The following PTPRQ variants were observed in gnomAD, a reference collection of about 807,000 sequenced individuals.
The protein encoded by PTPRQ is protein tyrosine phosphatase receptor type Q.
In PTPRQ, 199 loss-of-function variants were observed where a neutral mutation model predicts 246.0. The observed-to-expected ratio is 0.81, with a 90% confidence interval of 0.72 to 0.91. The LOEUF is 0.91. PTPRQ is among the 40% of genes least tolerant of loss of function. The pLI is 0.00. For synonymous variants in PTPRQ, 869 were observed against 853.2 expected (o/e 1.02, Z -0.32); for missense variants, 2,624 against 2,528.4 (o/e 1.04, Z -0.81).
chr12:80,508,884 C>T (rs1895044218), intron 16 of PTPRQ, among the ~76,000 whole-genome samples: 1 of 151,956 alleles, frequency 6.6e-6, no homozygotes, highest in Non-Finnish European at 1.5e-5. Flanking sequence ...TCCACATAAG[C>T]ATCTTAAAGC....
chr12:80,678,854 C>A, intron 44 of PTPRQ, 129 bp downstream of exon 44: 1 of 1,426,878 alleles, frequency 7.0e-7, no homozygotes, highest in Non-Finnish European at 9.2e-7. Context: ...GGTTTTTTTT[C>A]TTTAACTTTT....
chr12:80,629,214 C>T (rs1030078502), intron 33 of PTPRQ, among the ~76,000 whole-genome samples: 1 of 151,990 alleles, frequency 6.6e-6, no homozygotes, highest in South Asian at 2.1e-4. Flanking sequence ...AGAACAAGCT[C>T]TCTGTGTCTC....
rs2121109699 is a variant in PTPRQ at position 80,613,586 on chromosome 12, T to C, written c.4919-6T>C. On this transcript the variant is annotated splice_region_variant and splice_polypyrimidine_tract_variant and intron_variant, in intron 28 of 44. Transcript: ENST00000644991. ...TAAAAATTAATTGTTAAATATTTTATTTTAGCCCCAAAGGACCCACCTAAC... is the reference window on the plus strand; with the variant it reads ...TAAAAATTAATTGTTAAATATTTTACTTTAGCCCCAAAGGACCCACCTAAC... 6.6e-7 allele frequency: 1 copy of C among 1,505,648 alleles called. No homozygotes were observed. Among genetic ancestry groups the C allele is most frequent in the Admixed American group, 2.4e-5 (1 of 42,398 alleles). 93.3% of individuals were successfully genotyped at this position (1,505,648 alleles called of 1,614,324 possible).
At chr12:80,645,398 T>C (rs1327469678) in intron 35 of PTPRQ, among the ~76,000 whole-genome samples, 1 of 152,072 alleles carries the variant, frequency 6.6e-6, no homozygotes, top group African/African-American at 2.4e-5. Flanking sequence ...AGTGTGAAAA[T>C]GTATTCAATT....
At chr12:80,591,275 G>A (rs1481842206) in intron 26 of PTPRQ, among the ~76,000 whole-genome samples, 4 of 151,610 alleles carry the variant, frequency 2.6e-5, no homozygotes, top group East Asian at 1.9e-4. Context: ...ACAGGCACAC[G>A]CCACTGTGAC....
intron 25 of PTPRQ, among the ~76,000 whole-genome samples, chr12:80,558,115 CTTTCTTTCT>C (rs1326547187): frequency 5.2e-5 from 6 of 116,376 alleles, no homozygotes; most frequent in East Asian, 6.1e-4. Flanking sequence ...TCTTTCTTTT[CTTTCTTTCT>C]TTTCTTTTCT....
chr12:80,444,268 T>A lies in PTPRQ; in HGVS notation c.-78T>A, dbSNP rs1339372496. 3 of 753,212 alleles carry A rather than the reference T, an allele frequency of 4.0e-6. No homozygotes were observed. The highest frequency in any genetic ancestry group is 6.9e-6 in the Non-Finnish European group (3 of 433,324). 46.7% of individuals were successfully genotyped at this position (753,212 alleles called of 1,614,324 possible). ...ATTGTGTACTTGCCAGAAGGATCTG[T>A]CTTTAAATCATTAATGCAGGCAACA... On this transcript the variant is annotated 5_prime_UTR_variant, in exon 1 of 45. Transcript: ENST00000644991.
At chr12:80,480,855 C>T (rs1347937490) in intron 8 of PTPRQ, among the ~76,000 whole-genome samples, 1 of 152,186 alleles carries the variant, frequency 6.6e-6, no homozygotes, top group African/African-American at 2.4e-5. Flanking sequence ...AGACCAATAA[C>T]AGGCTCTGAA....
At chr12:80,508,088 G>T (rs1222886890) in intron 16 of PTPRQ, among the ~76,000 whole-genome samples, 1 of 151,918 alleles carries the variant, frequency 6.6e-6, no homozygotes, top group African/African-American at 2.4e-5. Context: ...AAAGTATGTT[G>T]TGCATCTGAA....
At chr12:80,649,534 C>T (rs1018621379) in intron 36 of PTPRQ, 54 bp from the exon 37 acceptor site, 29 of 1,529,694 alleles carry the variant, frequency 1.9e-5, no homozygotes, top group Admixed American at 4.1e-5. Context: ...CCAATGCTAA[C>T]GCGAACAAAT....
intron 25 of PTPRQ, among the ~76,000 whole-genome samples, chr12:80,568,484 T>C (rs1456460053): frequency 3.9e-5 from 6 of 152,240 alleles, no homozygotes; most frequent in Non-Finnish European, 8.8e-5. Context: ...TCATCCTTCA[T>C]TGAATTCATC....
At chr12:80,450,710 G>C (rs2120415781) in intron 3 of PTPRQ, among the ~76,000 whole-genome samples, 1 of 152,296 alleles carries the variant, frequency 6.6e-6, no homozygotes, top group South Asian at 2.1e-4. Flanking sequence ...AACCAGCCTT[G>C]CATCCCAGGG....
chr12:80,484,342 A>G, intron 8 of PTPRQ, 91 bp from the exon 9 acceptor site: 1 of 1,392,222 alleles, frequency 7.2e-7, no homozygotes, highest in Non-Finnish European at 9.6e-7. Flanking sequence ...TATATATCTT[A>G]AATTGTGAAC....
At chr12:80,556,416 T>A (rs1227186086) in intron 25 of PTPRQ, among the ~76,000 whole-genome samples, 1 of 152,192 alleles carries the variant, frequency 6.6e-6, no homozygotes, top group Non-Finnish European at 1.5e-5. Context: ...ATGTTGCTTA[T>A]TGATAGTTTC....
rs906970982 is a variant in PTPRQ at position 80,594,286 on chromosome 12, G to A, written c.4609+5834G>A. Among the ~76,000 whole-genome samples, 9 of 152,120 alleles carry A rather than the reference G, an allele frequency of 5.9e-5. No homozygotes were observed. The East Asian group carries it at 1.7e-3, about 29-fold the overall frequency. ...AGAAGCAATTATATAATGGTAAGAA[G>A]TGATTTTAGCCATAAGTAAATAGGA... On this transcript the variant is annotated intron_variant, in intron 26 of 44. Coordinates refer to ENST00000644991, the MANE Select transcript of PTPRQ (RefSeq NM_001145026.2).
chr12:80,523,343 GT>G (rs1371019907), intron 17 of PTPRQ, among the ~76,000 whole-genome samples: 5 of 152,012 alleles, frequency 3.3e-5, no homozygotes, highest in African/African-American at 1.2e-4. Flanking sequence ...TTTTTGAAGG[GT>G]TTTTTGTGTT....
At chr12:80,635,602 A>G (rs971696726) in intron 35 of PTPRQ, among the ~76,000 whole-genome samples, 1 of 152,056 alleles carries the variant, frequency 6.6e-6, no homozygotes, top group Non-Finnish European at 1.5e-5. Flanking sequence ...TTACCTTCAG[A>G]GGGAAAAGTA....
intron 8 of PTPRQ, among the ~76,000 whole-genome samples, chr12:80,481,626 C>G (rs1565735491): frequency 6.6e-6 from 1 of 151,984 alleles, no homozygotes; most frequent in South Asian, 2.1e-4. Flanking sequence ...CTAGAAAACC[C>G]CATTGTCTCA....
At chr12:80,481,726 C>CA (rs1251110748) in intron 8 of PTPRQ, among the ~76,000 whole-genome samples, 1 of 151,856 alleles carries the variant, frequency 6.6e-6, no homozygotes, top group Admixed American at 6.6e-5. Context: ...TCTTATACAC[C>CA]AACAACAGAC....
Sources: gnomAD v4.1 joint callset for allele counts (sites outside exome capture counted in the v4.1 genomes callset) on GRCh38, gnomAD v4.1.1 for gene constraint, MANE v1.5 for transcripts, NCBI Gene and HGNC (gene_info 2026-07-23, HGNC 2026-07-21) for gene names.